SEC11A: variants seen among roughly 807,000 people sequenced by gnomAD.
The protein encoded by SEC11A is SEC11 homolog A, signal peptidase complex subunit, also known as signal peptidase complex catalytic subunit SEC11A.
In SEC11A, 14 loss-of-function variants were observed where a neutral mutation model predicts 25.6. The ratio of observed to expected loss-of-function variants is 0.55; its 90% confidence interval spans 0.36 to 0.85. The LOEUF (loss-of-function observed/expected upper bound fraction) is 0.85. SEC11A is among the 40% of genes least tolerant of loss of function. The pLI is 0.01. For synonymous variants in SEC11A, 83 were observed against 76.4 expected (o/e 1.09, Z -0.45); for missense variants, 153 against 222.9 (o/e 0.69, Z 2.00).
intron 3 of SEC11A, among the ~76,000 whole-genome samples, chr15:84,682,945 G>A (rs761241363): frequency 9.9e-5 from 15 of 152,022 alleles, no homozygotes; most frequent in Non-Finnish European, 1.6e-4. Flanking sequence ...GTTTCTATGG[G>A]CTAATATCCA....
In SEC11A at chr15:84,697,018, TA is replaced by T. The variant is rs200060958; in HGVS notation, c.52-5375del. Among the ~76,000 whole-genome samples the T allele has an allele frequency of 6.4e-3, 704 of 110,128 alleles. 4 individuals are homozygous for T. Among genetic ancestry groups the T allele is most frequent in the Non-Finnish European group, 1.0e-2 (543 of 54,310 alleles). The allele number at this position is 110,128 out of a possible 152,430, so 72.2% of individuals were successfully genotyped here. A position where few individuals can be genotyped will look rare whatever the true frequency, so the allele number is the denominator to read the frequency against. Reference sequence around the variant, plus strand: ...GGCAACATAGTGAGATCCCTATCTCTAAAAAAAAAATAACAAAATTTAAAAA... The same window carrying T: ...GGCAACATAGTGAGATCCCTATCTCTAAAAAAAAATAACAAAATTTAAAAA... On this transcript the variant is annotated intron_variant, in intron 1 of 5. Coordinates refer to ENST00000268220, the MANE Select transcript of SEC11A (RefSeq NM_014300.4).
chr15:84,692,311 C>A (rs1252253152), intron 1 of SEC11A, among the ~76,000 whole-genome samples: 1 of 152,018 alleles, frequency 6.6e-6, no homozygotes, highest in Non-Finnish European at 1.5e-5. Flanking sequence ...GGATTACAGG[C>A]GTGAGTCACC....
intron 4 of SEC11A, among the ~76,000 whole-genome samples, chr15:84,676,451 C>CAA (rs71453257): frequency 2.2e-5 from 3 of 137,664 alleles, no homozygotes; most frequent in African/African-American, 8.2e-5. Context: ...AACTCTGTCT[C>CAA]AAAAAAAAAA....
At chr15:84,670,258 C>CT (rs71132694) in intron 5 of SEC11A, 189 bp from the exon 6 acceptor site, 25,822 of 290,088 alleles carry the variant, frequency 0.089, 372 homozygotes, top group South Asian at 0.12. Context: ...AAATAATTTT[C>CT]TTTTTTTTTT....
At chr15:84,676,280 C>T (rs1049195086) in intron 4 of SEC11A, among the ~76,000 whole-genome samples, 2 of 151,934 alleles carry the variant, frequency 1.3e-5, no homozygotes, top group Non-Finnish European at 2.9e-5. Flanking sequence ...GCCTGGCCAA[C>T]ATGGTGAAAC....
intron 3 of SEC11A, among the ~76,000 whole-genome samples, chr15:84,682,220 CA>C (rs576922485): frequency 6.7e-6 from 1 of 149,928 alleles, no homozygotes; most frequent in African/African-American, 2.5e-5. Flanking sequence ...AAAATAAAAG[CA>C]AAAAAAAGGT....
Position 84,669,727 on chromosome 15 carries a change from G to A in SEC11A, c.*292C>T, listed in dbSNP as rs1896930112. ...TGGCTTCAAAATACAAACACTGGGGGCTTTGGCTCAACCTTTTAATATAAA... is the reference window on the plus strand; with the variant it reads ...TGGCTTCAAAATACAAACACTGGGGACTTTGGCTCAACCTTTTAATATAAA... On this transcript the variant is annotated 3_prime_UTR_variant, in exon 6 of 6. Transcript: ENST00000268220. 5.0e-6 allele frequency: 2 copies of A among 398,408 alleles called. No homozygotes were observed. Among genetic ancestry groups the A allele is most frequent in the Non-Finnish European group, 9.2e-6 (2 of 216,600 alleles). The allele number at this position is 398,408 out of a possible 1,614,324, so 24.7% of individuals were successfully genotyped here.
chr15:84,702,795 T>C (rs898996666), intron 1 of SEC11A, among the ~76,000 whole-genome samples: 1 of 152,174 alleles, frequency 6.6e-6, no homozygotes, highest in East Asian at 1.9e-4. Flanking sequence ...TCAGATGGTA[T>C]TCACTGGCAA....
chr15:84,704,424 C>G (rs1461518081), intron 1 of SEC11A, among the ~76,000 whole-genome samples: 1 of 152,166 alleles, frequency 6.6e-6, no homozygotes, highest in Non-Finnish European at 1.5e-5. Context: ...TTTATTGTCT[C>G]TCAACTCCAA....
At chr15:84,678,669 C>A (rs1400123131) in intron 4 of SEC11A, among the ~76,000 whole-genome samples, 2 of 152,126 alleles carry the variant, frequency 1.3e-5, no homozygotes, top group African/African-American at 2.4e-5. Context: ...TCCTTTCACA[C>A]ACAAAATGCG....
chr15:84,711,862 A>T (rs1418623479), intron 1 of SEC11A, among the ~76,000 whole-genome samples: 1 of 152,044 alleles, frequency 6.6e-6, no homozygotes. Context: ...TATTAGCTAA[A>T]AGGACCTTAA....
intron 3 of SEC11A, among the ~76,000 whole-genome samples, chr15:84,681,363 C>T (rs1037240636): frequency 8.5e-5 from 13 of 152,344 alleles, no homozygotes; most frequent in Admixed American, 8.5e-4. Context: ...GGCGCGGTGG[C>T]TCACGCCTGT....
At chr15:84,705,013 C>T (rs1898054877) in intron 1 of SEC11A, among the ~76,000 whole-genome samples, 2 of 150,060 alleles carry the variant, frequency 1.3e-5, no homozygotes, top group Admixed American at 6.7e-5. Flanking sequence ...CAGGCTCAAA[C>T]TTCTGGGCTC....
intron 1 of SEC11A, among the ~76,000 whole-genome samples, chr15:84,704,747 T>C (rs1209282114): frequency 1.3e-5 from 2 of 152,070 alleles, no homozygotes; most frequent in African/African-American, 4.8e-5. Flanking sequence ...CTCTGGCAAA[T>C]GGTATTGCCA....
chr15:84,688,049 T>C (rs1897482926), intron 2 of SEC11A, among the ~76,000 whole-genome samples: 2 of 152,222 alleles, frequency 1.3e-5, no homozygotes, highest in Admixed American at 1.3e-4. Flanking sequence ...AAGGTCAGTG[T>C]TACTAATTCC....
At chr15:84,691,056 A>G (rs959034681) in intron 2 of SEC11A, among the ~76,000 whole-genome samples, 1 of 149,788 alleles carries the variant, frequency 6.7e-6, no homozygotes, top group African/African-American at 2.5e-5. Context: ...CTAACAAAGT[A>G]AGAATTTCTT....
At chr15:84,681,514 C>T (rs373484676) in intron 3 of SEC11A, among the ~76,000 whole-genome samples, 6 of 152,176 alleles carry the variant, frequency 3.9e-5, no homozygotes, top group African/African-American at 1.4e-4. Context: ...CCTGTAGTCC[C>T]AGCTACTCAG....
chr15:84,675,171 AAAGT>A (rs1384966387), intron 4 of SEC11A, among the ~76,000 whole-genome samples: 2 of 152,374 alleles, frequency 1.3e-5, no homozygotes, highest in East Asian at 3.9e-4. Context: ...CAGGAGGTTT[AAAGT>A]AAGTAAAATG....
chr15:84,689,029 CAAAAA>C (rs71453259), intron 2 of SEC11A, among the ~76,000 whole-genome samples: 2 of 95,142 alleles, frequency 2.1e-5, no homozygotes, highest in Non-Finnish European at 2.1e-5. Flanking sequence ...GACTCTGTCT[CAAAAA>C]AAAAAAAAAA....
Sources: gnomAD v4.1 joint callset for allele counts (sites outside exome capture counted in the v4.1 genomes callset) on GRCh38, gnomAD v4.1.1 for gene constraint, MANE v1.5 for transcripts, NCBI Gene and HGNC (gene_info 2026-07-23, HGNC 2026-07-21) for gene names.